The following SNCAIP variants were observed in gnomAD, a reference collection of about 807,000 sequenced individuals.
SNCAIP encodes synuclein alpha interacting protein.
A neutral mutation model predicts 86.7 loss-of-function variants in SNCAIP; 43 were observed. The observed-to-expected ratio is 0.50, with a 90% CI of 0.39 to 0.64. The LOEUF is 0.64. Among genes scored for constraint, SNCAIP ranks in the 30% least tolerant of loss-of-function variants. SNCAIP has a pLI of 0.00. For synonymous variants in SNCAIP, 417 were observed against 427.2 expected (o/e 0.98, Z 0.29); for missense variants, 981 against 1,103.1 (o/e 0.89, Z 1.57).
At chr5:122,397,593 TATA>T (rs1328987994) in intron 2 of SNCAIP, among the ~76,000 whole-genome samples, 17 of 152,176 alleles carry the variant, frequency 1.1e-4, no homozygotes, top group African/African-American at 3.9e-4. Context: ...TAGGATTAGT[TATA>T]ATAATTTTCA....
chr5:122,365,159 C>A (rs1762923981), intron 1 of SNCAIP, among the ~76,000 whole-genome samples: 1 of 152,154 alleles, frequency 6.6e-6, no homozygotes, highest in Admixed American at 6.5e-5. Context: ...AAATGTCCAT[C>A]TTCTTTTTGC....
At chr5:122,374,961 A>G (rs571632723) in intron 1 of SNCAIP, among the ~76,000 whole-genome samples, 1 of 152,218 alleles carries the variant, frequency 6.6e-6, no homozygotes, top group Non-Finnish European at 1.5e-5. Flanking sequence ...TAATAATAGT[A>G]CCTCATCTAT....
intron 3 of SNCAIP, among the ~76,000 whole-genome samples, chr5:122,418,358 T>G (rs1775718291): frequency 6.6e-6 from 1 of 152,242 alleles, no homozygotes; most frequent in Non-Finnish European, 1.5e-5. Context: ...CTCTGTTATT[T>G]TTGCTTTACC....
chr5:122,382,999 G>A (rs1055110531), intron 1 of SNCAIP, among the ~76,000 whole-genome samples: 6 of 152,222 alleles, frequency 3.9e-5, no homozygotes, highest in Non-Finnish European at 8.8e-5. Context: ...CTTTTTGTCT[G>A]TCTGTGCCCT....
Position 122,450,933 on chromosome 5 carries a change from G to C in SNCAIP, c.2086G>C (p.Ala696Pro). The change falls in exon 10 of 11, where the codon GCT (alanine) becomes CCT (proline). Residue 696 changes from alanine to proline, a missense_variant. Ala to Pro is a conservative substitution (Grantham distance 27, BLOSUM62 -1). Coordinates refer to ENST00000261368, the MANE Select transcript of SNCAIP (RefSeq NM_005460.4). ...EDPKTTPVRK[A>P]DRPRPQPIVE... is the part of the protein sequence containing the mutation. ...CCCCAAGACTACCCCAGTGAGGAAG[G>C]CTGACCGACCAAGGCCGCAGCCCAT... is the stretch of plus-strand genomic sequence containing the variant. 3 of 1,614,136 alleles carry C rather than the reference G, an allele frequency of 1.9e-6. No homozygotes were observed. The highest frequency in any genetic ancestry group is 2.5e-6 in the Non-Finnish European group (3 of 1,180,024).
intron 1 of SNCAIP, 69 bp from the exon 2 acceptor site, chr5:122,391,020 T>C (rs1428652024): frequency 1.5e-5 from 12 of 804,988 alleles, no homozygotes; most frequent in Non-Finnish European, 2.2e-5. Context: ...TGTTTAAATG[T>C]AGACATTATT....
At chr5:122,327,704 T>C (rs1281345784) in intron 1 of SNCAIP, among the ~76,000 whole-genome samples, 2 of 152,196 alleles carry the variant, frequency 1.3e-5, no homozygotes, top group Non-Finnish European at 2.9e-5. Context: ...TTAAACCTCT[T>C]CCCTTTATAA....
rs757194810 is a variant in SNCAIP at position 122,444,674 on chromosome 5, G to A, written c.1534G>A (p.Val512Met). ...CCTGTGCTCCAGGTACCTGGTGGTG[G>A]TGGAGACCTGCATGTCGCTGGCCTC... ...HTLCSRYLVVVETCMSLASQV... is the reference protein window; with the variant it reads ...HTLCSRYLVVMETCMSLASQV... The change falls in exon 8 of 11, where the codon GTG becomes ATG. Residue 512 changes from valine (V) to methionine (M), a missense_variant. By Grantham distance (21) the Val-to-Met change is conservative. Transcript: ENST00000261368. The A allele has an allele frequency of 2.7e-5, 43 of 1,613,986 alleles. No individual in the cohort carries two copies. Among genetic ancestry groups the A allele is most frequent in the Non-Finnish European group, 3.6e-5 (43 of 1,179,890 alleles).
chr5:122,326,325 A>C (rs1278152174), intron 1 of SNCAIP, among the ~76,000 whole-genome samples: 1 of 152,174 alleles, frequency 6.6e-6, no homozygotes, highest in Non-Finnish European at 1.5e-5. Flanking sequence ...TTCATAAGCC[A>C]CATAAAGTAG....
chr5:122,451,893 T>C, intron 10 of SNCAIP: 1 of 331,320 alleles, frequency 3.0e-6, no homozygotes, highest in Non-Finnish European at 5.6e-6. Flanking sequence ...GGTGTTAGGG[T>C]CCTAGACTTG....
chr5:122,365,086 T>C (rs10070316), intron 1 of SNCAIP, among the ~76,000 whole-genome samples: 134,142 of 152,090 alleles, frequency 0.88, 59,260 homozygotes, highest in Admixed American at 0.93. Context: ...TGGCTTCCTG[T>C]CTACTTTGTT....
intron 1 of SNCAIP, among the ~76,000 whole-genome samples, chr5:122,341,657 T>A (rs1215294909): frequency 6.6e-6 from 1 of 152,198 alleles, no homozygotes; most frequent in African/African-American, 2.4e-5. Flanking sequence ...AGTATGATTT[T>A]CCATGCCGCC....
At chr5:122,440,550 G>A (rs188246015) in intron 6 of SNCAIP, 79 bp from the exon 7 acceptor site, 1 of 1,343,328 alleles carries the variant, frequency 7.4e-7, no homozygotes, top group Non-Finnish European at 1.1e-6. Context: ...TCACAAATTA[G>A]GGTATTGTTT....
intron 3 of SNCAIP, among the ~76,000 whole-genome samples, chr5:122,409,626 C>A (rs1460713358): frequency 6.6e-6 from 1 of 152,186 alleles, no homozygotes; most frequent in Non-Finnish European, 1.5e-5. Context: ...GCATTAAAGT[C>A]ATGTAGGTTG....
intron 2 of SNCAIP, 27 bp from the exon 3 acceptor site, chr5:122,403,766 C>G (rs1581027142): frequency 1.9e-6 from 3 of 1,571,326 alleles, no homozygotes; most frequent in Non-Finnish European, 2.6e-6. Flanking sequence ...TTATTTTATG[C>G]CCTCTCTTCT....
At chr5:122,417,767 G>A (rs1367440638) in intron 3 of SNCAIP, among the ~76,000 whole-genome samples, 1 of 151,020 alleles carries the variant, frequency 6.6e-6, no homozygotes, top group Non-Finnish European at 1.5e-5. Context: ...TCCATTCATT[G>A]AAAGATTAAG....
chr5:122,421,028 T>A (rs930427496), intron 3 of SNCAIP, among the ~76,000 whole-genome samples: 1 of 152,332 alleles, frequency 6.6e-6, no homozygotes, highest in Non-Finnish European at 1.5e-5. Context: ...CAAATTCACA[T>A]ACTAGCATTT....
At chr5:122,345,256 T>C (rs1186628864) in intron 1 of SNCAIP, among the ~76,000 whole-genome samples, 3 of 152,194 alleles carry the variant, frequency 2.0e-5, no homozygotes, top group Non-Finnish European at 4.4e-5. Flanking sequence ...CCTCATGTGT[T>C]TCTTAATTAT....
At chr5:122,384,096 A>C (rs996102954) in intron 1 of SNCAIP, among the ~76,000 whole-genome samples, 1 of 152,194 alleles carries the variant, frequency 6.6e-6, no homozygotes, top group Non-Finnish European at 1.5e-5. Flanking sequence ...AAACAATACA[A>C]TTCAGGGCTA....
Sources: gnomAD v4.1 joint callset for allele counts (sites outside exome capture counted in the v4.1 genomes callset) on GRCh38, gnomAD v4.1.1 for gene constraint, MANE v1.5 for transcripts, NCBI Gene and HGNC (gene_info 2026-07-23, HGNC 2026-07-21) for gene names.